Variants in BCL7A observed in about 807,000 individuals in gnomAD.
BCL7A encodes B-cell CLL/lymphoma 7 protein family member A.
A neutral mutation model predicts 28.4 loss-of-function variants in BCL7A; 11 were observed. That is an observed-to-expected ratio of 0.39 (90% CI 0.24 to 0.64). The LOEUF is 0.64. BCL7A is among the 30% of genes least tolerant of loss of function. BCL7A has a pLI of 0.50. For missense variants in BCL7A, 222 were observed against 274.8 expected, an observed-to-expected ratio of 0.81 and a Z score of 1.36; for synonymous variants, 123 against 103.3, an observed-to-expected ratio of 1.19 and a Z score of -1.15.
chr12:122,055,259 G>A (rs1484311419), intron 5 of BCL7A, among the ~76,000 whole-genome samples: 1 of 152,176 alleles, frequency 6.6e-6, no homozygotes, highest in Non-Finnish European at 1.5e-5. Context: ...TCCCCAGATC[G>A]GTGACCTTTA....
chr12:122,039,900 A>G (rs944103625), intron 3 of BCL7A, among the ~76,000 whole-genome samples: 4 of 152,046 alleles, frequency 2.6e-5, no homozygotes, highest in African/African-American at 7.2e-5. Context: ...GGGTCTTGCT[A>G]TGTTGCCCAG....
At chr12:122,024,465 T>C (rs1188400800) in intron 1 of BCL7A, among the ~76,000 whole-genome samples, 1 of 150,486 alleles carries the variant, frequency 6.6e-6, no homozygotes, top group Non-Finnish European at 1.5e-5. Context: ...GTTTTTTGTT[T>C]TTTTTTTTTT....
chr12:122,034,142 C>T lies in BCL7A; in HGVS notation c.175-1189C>T, dbSNP rs543676428. The stretch of plus-strand genomic sequence containing the variant: ...CATACAGAGCATGCACACACACACA[C>T]ATCCTTTGCTTACCACTGGTGGTGA... On this transcript the variant is annotated intron_variant, in intron 2 of 5. Transcript: ENST00000261822. Among the ~76,000 whole-genome samples, 5 of 138,944 alleles carry T rather than the reference C, an allele frequency of 3.6e-5. No individual in the cohort carries two copies. In the East Asian group the frequency reaches 1.0e-3, roughly 29 times the overall value. The allele number at this position is 138,944 out of a possible 152,430, so 91.2% of individuals were successfully genotyped here.
At chr12:122,048,181 GCGTGAGC>G (rs1454170337) in intron 4 of BCL7A, among the ~76,000 whole-genome samples, 1 of 152,020 alleles carries the variant, frequency 6.6e-6, no homozygotes, top group Non-Finnish European at 1.5e-5. Flanking sequence ...GGGATTATAG[GCGTGAGC>G]CACTGCGCCT....
intron 1 of BCL7A, among the ~76,000 whole-genome samples, chr12:122,023,553 G>T (rs1434159660): frequency 6.6e-6 from 1 of 152,352 alleles, no homozygotes; most frequent in South Asian, 2.1e-4. Context: ...GGCCTCCTAT[G>T]GAAAGGGCTG....
intron 4 of BCL7A, chr12:122,044,280 G>A (rs1289488358): frequency 6.0e-6 from 3 of 501,032 alleles, no homozygotes; most frequent in Non-Finnish European, 1.0e-5. Flanking sequence ...AGGCCAAGGT[G>A]TGAGGACTGC....
Position 122,031,627 on chromosome 12 carries a change from C to G in BCL7A, c.174+846C>G, listed in dbSNP as rs557399651. ...TCAGAGCTGTGAATGGAGCTCAGGT[C>G]TGTCTGACTCCAAAGCGCAGGTTCT... On this transcript the variant is annotated intron_variant, in intron 2 of 5. Transcript: ENST00000261822. 1.2e-4 allele frequency among the ~76,000 whole-genome samples: 18 copies of G among 152,340 alleles called. No individual in the cohort carries two copies. The South Asian group carries it at 3.7e-3, about 32-fold the overall frequency.
At position 122,060,600 on chromosome 12, in the gene BCL7A, T is replaced by C. The variant is rs1320200372; in HGVS notation, c.*1437T>C. On this transcript the variant is annotated 3_prime_UTR_variant, in exon 6 of 6. Transcript: ENST00000261822. ...AAACCTTTTCCTAAGCTTTCTTTAC[T>C]GCACTGGAGTTCTGACTCCCTTTGA... The C allele has an allele frequency of 8.6e-6, 2 of 232,976 alleles. No individual in the cohort carries two copies. Among genetic ancestry groups the C allele is most frequent in the Non-Finnish European group, 1.7e-5 (2 of 117,692 alleles). The allele number at this position is 232,976 out of a possible 1,614,324, so 14.4% of individuals were successfully genotyped here.
In BCL7A at chr12:122,059,007, C is replaced by T; in HGVS notation, c.562-85C>T. 1 of 1,248,562 alleles carries T rather than the reference C, an allele frequency of 8.0e-7. No individual in the cohort carries two copies. 77.3% of individuals were successfully genotyped at this position (1,248,562 alleles called of 1,614,324 possible). A position where few individuals can be genotyped will look rare whatever the true frequency, so the allele number is the denominator to read the frequency against. Reference sequence around the variant, plus strand: ...CAAAGCCGCCCCCGCTCGGTTCCTTCCTTGGCTGACCTTCGGCCTCACGCC... The same window carrying T: ...CAAAGCCGCCCCCGCTCGGTTCCTTTCTTGGCTGACCTTCGGCCTCACGCC... On this transcript the variant is annotated intron_variant, in intron 5 of 5. Coordinates refer to ENST00000261822, the MANE Select transcript of BCL7A (RefSeq NM_001024808.3). The surrounding 1 kb of genome is among the most constrained non-coding windows in gnomAD (Gnocchi z 4.0).
intron 3 of BCL7A, among the ~76,000 whole-genome samples, chr12:122,041,837 G>A (rs1168192697): frequency 1.3e-5 from 2 of 152,170 alleles, no homozygotes; most frequent in Non-Finnish European, 2.9e-5. Context: ...GGAGGTTGAA[G>A]CGGGCAGATC....
intron 3 of BCL7A, among the ~76,000 whole-genome samples, chr12:122,039,310 T>TA (rs1008816846): frequency 9.1e-5 from 13 of 142,334 alleles, no homozygotes; most frequent in East Asian, 2.0e-4. Flanking sequence ...AAAAATAGAT[T>TA]AAAAAAAAAA....
At chr12:122,049,216 A>G (rs1168941457) in intron 4 of BCL7A, among the ~76,000 whole-genome samples, 1 of 125,294 alleles carries the variant, frequency 8.0e-6, no homozygotes, top group Admixed American at 8.2e-5. Flanking sequence ...ACAGAGCATG[A>G]CCCTGTCTTA....
chr12:122,022,636 C>T (rs1204157448), intron 1 of BCL7A, among the ~76,000 whole-genome samples: 1 of 145,644 alleles, frequency 6.9e-6, no homozygotes, highest in Non-Finnish European at 1.5e-5. Context: ...CCGAGCGGGC[C>T]GCCGCCGCCG....
At chr12:122,034,128 T>C (rs1883797390) in intron 2 of BCL7A, among the ~76,000 whole-genome samples, 1 of 135,028 alleles carries the variant, frequency 7.4e-6, no homozygotes, top group South Asian at 2.5e-4. Flanking sequence ...ATACAGAGCA[T>C]GCACACACAC....
intron 1 of BCL7A, among the ~76,000 whole-genome samples, chr12:122,024,742 A>T (rs2135836678): frequency 6.6e-6 from 1 of 152,316 alleles, no homozygotes; most frequent in East Asian, 1.9e-4. Context: ...TTAAAAATAA[A>T]TGTTTTTGAG....
At chr12:122,036,736 T>C (rs187325324) in intron 3 of BCL7A, among the ~76,000 whole-genome samples, 2 of 151,394 alleles carry the variant, frequency 1.3e-5, no homozygotes, top group Admixed American at 1.3e-4. Flanking sequence ...AGGCAGAGTC[T>C]CGCTCCTGTC....
At chr12:122,043,356 C>T (rs528263010) in intron 3 of BCL7A, among the ~76,000 whole-genome samples, 6 of 131,512 alleles carry the variant, frequency 4.6e-5, no homozygotes, top group African/African-American at 5.6e-5. Flanking sequence ...AGGCCAGTGC[C>T]GGAATTCTTT....
Position 122,022,202 on chromosome 12 carries a change from C to T in BCL7A, c.92+19C>T, listed in dbSNP as rs770555204. Reference sequence around the variant, plus strand: ...GCAAATGGTAAGCGGAGGCGCCCGCCGCCAGCCGCCTCCCCGGCCGCCCCG... The same window carrying T: ...GCAAATGGTAAGCGGAGGCGCCCGCTGCCAGCCGCCTCCCCGGCCGCCCCG... On this transcript the variant is annotated intron_variant, in intron 1 of 5. Coordinates refer to ENST00000261822, the MANE Select transcript of BCL7A (RefSeq NM_001024808.3). 1.4e-6 allele frequency: 2 copies of T among 1,434,324 alleles called. No homozygotes were observed. The highest frequency in any genetic ancestry group is 1.3e-5 in the South Asian group (1 of 79,988). The allele number at this position is 1,434,324 out of a possible 1,614,324, so 88.8% of individuals were successfully genotyped here.
At chr12:122,026,354 G>A (rs915093897) in intron 1 of BCL7A, among the ~76,000 whole-genome samples, 2 of 152,110 alleles carry the variant, frequency 1.3e-5, no homozygotes, top group Non-Finnish European at 2.9e-5. Context: ...AAGCCTGGAG[G>A]ATCACTTGAG....
Sources: gnomAD v4.1 joint callset for allele counts (sites outside exome capture counted in the v4.1 genomes callset) on GRCh38, gnomAD v4.1.1 for gene constraint, Gnocchi (gnomAD v3.1) non-coding constraint, MANE v1.5 for transcripts, NCBI Gene and HGNC (gene_info 2026-07-23, HGNC 2026-07-21) for gene names.